The following SCYL2 variants were observed in gnomAD, a reference collection of about 807,000 sequenced individuals.
SCYL2 encodes the protein SCY1-like protein 2.
SCYL2 carries 36 observed loss-of-function variants against 100.4 expected under a neutral mutation model. The observed-to-expected ratio is 0.36, with a 90% CI of 0.27 to 0.47. The LOEUF is 0.47. Ranked by LOEUF, SCYL2 falls within the 20% of genes least tolerant of loss-of-function variation. The pLI is 1.00. For missense variants in SCYL2, 902 were observed against 1,083.9 expected (o/e 0.83, Z 2.36); for synonymous variants, 330 against 359.2 (o/e 0.92, Z 0.92).
rs913006064 is a variant in SCYL2 at position 100,296,622 on chromosome 12, T to A, written c.336-1409T>A. The A allele has an allele frequency of 3.9e-5, 6 of 152,276 alleles. 1 individual carries two copies. In the Middle Eastern group the frequency reaches 0.014, roughly 345 times the overall value. 9.4% of individuals were successfully genotyped at this position (152,276 alleles called of 1,614,324 possible). On this transcript the variant is annotated intron_variant, in intron 3 of 17. Coordinates refer to ENST00000360820, the MANE Select transcript of SCYL2 (RefSeq NM_017988.6). The stretch of plus-strand genomic sequence containing the variant: ...TAAGGACAGAGAAGAATCCATTACA[T>A]TTGACCAGTGAGAAGTTGTTAGTAA...
rs955914011 is a variant in SCYL2, at chr12:100,332,519, G to A, written c.1762-1647G>A. Among the ~76,000 whole-genome samples the A allele has an allele frequency of 3.3e-5, 5 of 152,120 alleles. No individual in the cohort carries two copies. In the South Asian group the frequency reaches 8.3e-4, roughly 25 times the overall value. On this transcript the variant is annotated intron_variant, in intron 13 of 17. Coordinates refer to ENST00000360820, the MANE Select transcript of SCYL2 (RefSeq NM_017988.6). Reference sequence around the variant, plus strand: ...CAATACGGATGAATCTCACAAACATGTTGAGTGAATGAAGCCAGGCATAGA... The same window carrying A: ...CAATACGGATGAATCTCACAAACATATTGAGTGAATGAAGCCAGGCATAGA...
intron 3 of SCYL2, among the ~76,000 whole-genome samples, chr12:100,293,201 C>T (rs1053721974): frequency 6.6e-6 from 1 of 152,126 alleles, no homozygotes; most frequent in Non-Finnish European, 1.5e-5. Flanking sequence ...GTGTGATCCT[C>T]CTGCCTCAGC....
Position 100,339,678 on chromosome 12 carries a change from C to T in SCYL2, c.*506C>T, listed in dbSNP as rs1219378495. The T allele has an allele frequency of 6.5e-6, 1 of 153,692 alleles. No homozygotes were observed. Among genetic ancestry groups the T allele is most frequent in the Non-Finnish European group, 1.4e-5 (1 of 69,060 alleles). 9.5% of individuals were successfully genotyped at this position (153,692 alleles called of 1,614,324 possible). A position where few individuals can be genotyped will look rare whatever the true frequency, so the allele number is the denominator to read the frequency against. Reference sequence around the variant, plus strand: ...AAATGATAAGCATAAAGAGAAGTATCAGGTTATTTGCTTTTTCCAAACTTT... The same window carrying T: ...AAATGATAAGCATAAAGAGAAGTATTAGGTTATTTGCTTTTTCCAAACTTT... On this transcript the variant is annotated 3_prime_UTR_variant, in exon 18 of 18. Coordinates refer to ENST00000360820, the MANE Select transcript of SCYL2 (RefSeq NM_017988.6).
At chr12:100,278,904 A>G (rs1416084615) in intron 1 of SCYL2, among the ~76,000 whole-genome samples, 2 of 152,168 alleles carry the variant, frequency 1.3e-5, no homozygotes, top group Non-Finnish European at 2.9e-5. Context: ...CTGGGATTAC[A>G]GGCGTGAGCC....
At chr12:100,312,839 C>G (rs1262138403) in intron 6 of SCYL2, among the ~76,000 whole-genome samples, 186 bp downstream of exon 6, 1 of 152,118 alleles carries the variant, frequency 6.6e-6, no homozygotes, top group Non-Finnish European at 1.5e-5. Context: ...CAGACTAGGC[C>G]AGGTGCTCTG....
chr12:100,300,169 A>C (rs2096325828), intron 4 of SCYL2, among the ~76,000 whole-genome samples: 1 of 152,114 alleles, frequency 6.6e-6, no homozygotes, highest in South Asian at 2.1e-4. Flanking sequence ...TTTAGGTGAA[A>C]TATCTCTTCA....
At chr12:100,267,972 C>T (rs2096281268) in intron 1 of SCYL2, among the ~76,000 whole-genome samples, 180 bp downstream of exon 1, 1 of 152,116 alleles carries the variant, frequency 6.6e-6, no homozygotes. Flanking sequence ...GTTACTCCTG[C>T]AGTCTTGTTT....
intron 13 of SCYL2, among the ~76,000 whole-genome samples, chr12:100,331,729 T>A (rs1413386528): frequency 6.6e-6 from 1 of 152,170 alleles, no homozygotes; most frequent in East Asian, 1.9e-4. Context: ...TTTACAGTAG[T>A]TTAGCATGGA....
In SCYL2 at chr12:100,339,233, A is replaced by C; in HGVS notation, c.*61A>C. ...TTCAATCATGGGTGAGCTGATTTAC[A>C]TCTTTATATAGTTGGCTTGGAGGAA... On this transcript the variant is annotated 3_prime_UTR_variant, in exon 18 of 18. Transcript: ENST00000360820. The C allele has an allele frequency of 6.7e-7, 1 of 1,499,544 alleles. No individual in the cohort carries two copies. The highest frequency in any genetic ancestry group is 9.0e-7 in the Non-Finnish European group (1 of 1,109,130). The allele number at this position is 1,499,544 out of a possible 1,614,324, so 92.9% of individuals were successfully genotyped here.
At chr12:100,325,606 T>C (rs115033128) in intron 11 of SCYL2, among the ~76,000 whole-genome samples, 4,440 of 152,276 alleles carry the variant, frequency 0.029, 75 homozygotes, top group African/African-American at 0.047. Context: ...TGTGTCTTAA[T>C]ACTCTTCCCT....
chr12:100,321,156 A>G (rs1354248251), intron 10 of SCYL2, among the ~76,000 whole-genome samples: 1 of 152,220 alleles, frequency 6.6e-6, no homozygotes. Flanking sequence ...GTGGATACAA[A>G]CAATTAACTC....
chr12:100,274,527 G>A (rs940284594), intron 1 of SCYL2, among the ~76,000 whole-genome samples: 59 of 152,232 alleles, frequency 3.9e-4, no homozygotes, highest in African/African-American at 1.4e-3. Flanking sequence ...AAGAAGCAAG[G>A]TACAGCCTCC....
At chr12:100,291,047 AT>A (rs2096309973) in intron 2 of SCYL2, among the ~76,000 whole-genome samples, 1 of 152,206 alleles carries the variant, frequency 6.6e-6, no homozygotes, top group African/African-American at 2.4e-5. Flanking sequence ...AATATAGATT[AT>A]TCATATGTAA....
intron 10 of SCYL2, among the ~76,000 whole-genome samples, chr12:100,321,655 A>G (rs1188149917): frequency 6.6e-6 from 1 of 152,248 alleles, no homozygotes; most frequent in Admixed American, 6.5e-5. Context: ...AGAAATTAAA[A>G]TTCGCTCTCA....
chr12:100,337,331 T>C, intron 16 of SCYL2, 56 bp from the exon 17 acceptor site: 1 of 1,591,126 alleles, frequency 6.3e-7, no homozygotes, highest in Non-Finnish European at 8.5e-7. Context: ...TATCTTTTGT[T>C]TTACAAATGG....
At chr12:100,321,415 A>C (rs1210418487) in intron 10 of SCYL2, among the ~76,000 whole-genome samples, 1 of 152,094 alleles carries the variant, frequency 6.6e-6, no homozygotes, top group Non-Finnish European at 1.5e-5. Flanking sequence ...AGATGTGTGT[A>C]CTTTAGCCAG....
intron 11 of SCYL2, chr12:100,323,854 A>C: frequency 3.4e-6 from 1 of 295,998 alleles, no homozygotes; most frequent in East Asian, 5.7e-5. Flanking sequence ...CTTTACTTTG[A>C]GTGCTTCAGT....
intron 13 of SCYL2, among the ~76,000 whole-genome samples, chr12:100,333,015 C>T (rs571494913): frequency 3.2e-4 from 48 of 151,724 alleles, no homozygotes; most frequent in African/African-American, 1.2e-3. Context: ...ATGCCTGGAC[C>T]GATGTTGTTT....
chr12:100,315,756 G>C (rs896788102), intron 9 of SCYL2, 22 bp downstream of exon 9: 2 of 1,556,222 alleles, frequency 1.3e-6, no homozygotes, highest in Non-Finnish European at 1.7e-6. Context: ...ATATTTTTGT[G>C]TATTTATCTA....
Sources: gnomAD v4.1 joint callset for allele counts (sites outside exome capture counted in the v4.1 genomes callset) on GRCh38, gnomAD v4.1.1 for gene constraint, MANE v1.5 for transcripts, NCBI Gene and HGNC (gene_info 2026-07-23, HGNC 2026-07-21) for gene names.